DCC: variants seen among roughly 807,000 people sequenced by gnomAD.
DCC encodes the protein netrin receptor DCC.
In DCC, 58 loss-of-function variants were observed where a neutral mutation model predicts 172.5. The observed-to-expected ratio is 0.34, with a 90% CI of 0.27 to 0.42. DCC has a LOEUF of 0.42. Among genes scored for constraint, DCC ranks in the 10% least tolerant of loss-of-function variants. DCC has a pLI of 1.00. For synonymous variants in DCC, 709 were observed against 644.5 expected, an observed-to-expected ratio of 1.10 and a Z score of -1.52; for missense variants, 1,740 against 1,791.0, an observed-to-expected ratio of 0.97 and a Z score of 0.51.
chr18:52,833,599 T>G (rs1474722293), intron 2 of DCC, among the ~76,000 whole-genome samples: 1 of 152,174 alleles, frequency 6.6e-6, no homozygotes, highest in Non-Finnish European at 1.5e-5. Flanking sequence ...CAAACAATGC[T>G]AAGGTTTCTG....
At chr18:52,646,549 G>A (rs1032791004) in intron 1 of DCC, among the ~76,000 whole-genome samples, 1 of 152,160 alleles carries the variant, frequency 6.6e-6, no homozygotes, top group Non-Finnish European at 1.5e-5. Flanking sequence ...GCTATCGATT[G>A]GGGGTTCCCA....
chr18:52,610,226 T>A (rs1294260259), intron 1 of DCC, among the ~76,000 whole-genome samples: 60 of 73,048 alleles, frequency 8.2e-4, no homozygotes, highest in African/African-American at 1.3e-3. Context: ...TATATATATA[T>A]AAAATTAGCC....
rs2046456437 is a variant in DCC at position 53,526,456 on chromosome 18, A to G, written c.4112-161A>G. Among the ~76,000 whole-genome samples, 2 of 152,210 alleles carry G rather than the reference A, an allele frequency of 1.3e-5. 1 individual carries two copies. The highest frequency in any genetic ancestry group is 2.9e-5 in the Non-Finnish European group (2 of 68,034). On this transcript the variant is annotated intron_variant, in intron 27 of 28. Transcript: ENST00000442544. ...AGAATTTGTCTTCCATTTAGTAGAA[A>G]TAAAACGAGCCCACTCATTGTGTCA...
chr18:53,517,969 T>C (rs573212779), intron 27 of DCC, among the ~76,000 whole-genome samples: 1 of 152,284 alleles, frequency 6.6e-6, no homozygotes, highest in Non-Finnish European at 1.5e-5. Context: ...GGTAGAGTAT[T>C]ACACAAAGTT....
At chr18:53,199,249 C>T (rs1473140849) in intron 9 of DCC, among the ~76,000 whole-genome samples, 4 of 151,792 alleles carry the variant, frequency 2.6e-5, no homozygotes, top group Non-Finnish European at 4.4e-5. Context: ...CACCACCACG[C>T]CTGGCTAATT....
intron 1 of DCC, among the ~76,000 whole-genome samples, chr18:52,622,414 C>T (rs1018136674): frequency 3.9e-5 from 6 of 152,254 alleles, no homozygotes; most frequent in South Asian, 4.1e-4. Context: ...TTCGGTAGTC[C>T]GGACTGGGTC....
intron 1 of DCC, among the ~76,000 whole-genome samples, chr18:52,428,290 T>A (rs1234509428): frequency 7.2e-5 from 11 of 152,140 alleles, no homozygotes; most frequent in African/African-American, 2.2e-4. Context: ...TTCACCAACC[T>A]GTTCTTTGAC....
chr18:53,063,478 A>G lies in DCC; in HGVS notation c.1140+19A>G. ...GATAGTGGTAATTATTTTGTTTCATATTTGTTTTATAATCCCATTCATTGT... is the reference window on the plus strand; with the variant it reads ...GATAGTGGTAATTATTTTGTTTCATGTTTGTTTTATAATCCCATTCATTGT... On this transcript the variant is annotated intron_variant, in intron 6 of 28. Coordinates refer to ENST00000442544, the MANE Select transcript of DCC (RefSeq NM_005215.4). The G allele has an allele frequency of 3.2e-6, 5 of 1,556,246 alleles. No individual in the cohort carries two copies. The highest frequency in any genetic ancestry group is 4.4e-6 in the Non-Finnish European group (5 of 1,129,600).
At chr18:52,382,156 C>G (rs1381801214) in intron 1 of DCC, among the ~76,000 whole-genome samples, 1 of 152,034 alleles carries the variant, frequency 6.6e-6, no homozygotes, top group Non-Finnish European at 1.5e-5. Flanking sequence ...TCTTAATATT[C>G]AGAGATGTAA....
intron 5 of DCC, among the ~76,000 whole-genome samples, chr18:52,958,557 T>G (rs1165401827): frequency 6.6e-6 from 1 of 152,002 alleles, no homozygotes; most frequent in African/African-American, 2.4e-5. Context: ...AGTGAGGAAA[T>G]ATTTCAAAAC....
intron 7 of DCC, among the ~76,000 whole-genome samples, chr18:53,132,865 TC>T (rs896974137): frequency 6.6e-6 from 1 of 152,168 alleles, no homozygotes; most frequent in Non-Finnish European, 1.5e-5. Flanking sequence ...AACAGGTTAT[TC>T]ATGTGAGACT....
intron 1 of DCC, among the ~76,000 whole-genome samples, chr18:52,644,826 A>AAGTATTCTTTGAATACT (rs2034985573): frequency 3.0e-5 from 2 of 66,390 alleles, no homozygotes; most frequent in African/African-American, 1.2e-4. Context: ...GGAGGGAGGG[A>AAGTATTCTTTGAATACT]GGGAGGGAGG....
intron 12 of DCC, chr18:53,237,092 T>G (rs2056214822): frequency 6.6e-6 from 1 of 152,088 alleles, no homozygotes; most frequent in Non-Finnish European, 1.5e-5. Flanking sequence ...CAAATATATA[T>G]ATATTATATA....
intron 7 of DCC, among the ~76,000 whole-genome samples, chr18:53,066,427 A>G (rs866234231): frequency 2.5e-5 from 3 of 121,594 alleles, no homozygotes; most frequent in African/African-American, 4.3e-5. Context: ...GTGTTTGTGT[A>G]TATATATATA....
At chr18:52,732,109 G>T (rs557472998) in intron 1 of DCC, among the ~76,000 whole-genome samples, 5 of 152,234 alleles carry the variant, frequency 3.3e-5, no homozygotes, top group Admixed American at 1.3e-4. Context: ...TCTTGAGGTT[G>T]CCATATTAAG....
intron 7 of DCC, among the ~76,000 whole-genome samples, chr18:53,147,613 C>A (rs1049812935): frequency 6.6e-6 from 1 of 152,102 alleles, no homozygotes; most frequent in African/African-American, 2.4e-5. Flanking sequence ...CTTAATAAAC[C>A]TCACTGCCAT....
chr18:53,220,844 C>A lies in DCC; in HGVS notation c.1911+5247C>A, dbSNP rs146792979. Among the ~76,000 whole-genome samples the A allele has an allele frequency of 4.6e-5, 7 of 151,732 alleles. No individual in the cohort carries two copies. The East Asian group carries it at 1.2e-3, about 25-fold the overall frequency. ...TTAAGCATAGATAATGTCCAGGGGC[C>A]TATGATTGAAAGTTTTAGGAAGGGT... On this transcript the variant is annotated intron_variant, in intron 12 of 28. Transcript: ENST00000442544.
chr18:52,953,023 A>AAAC (rs2040681380), intron 5 of DCC, among the ~76,000 whole-genome samples: 1 of 149,154 alleles, frequency 6.7e-6, no homozygotes, highest in Non-Finnish European at 1.5e-5. Flanking sequence ...AAAAAAAAAA[A>AAAC]AAAAACTCAT....
At chr18:53,231,894 C>G (rs2056126268) in intron 12 of DCC, among the ~76,000 whole-genome samples, 1 of 152,086 alleles carries the variant, frequency 6.6e-6, no homozygotes, top group Admixed American at 6.6e-5. Context: ...TGCCAAAAGA[C>G]TGATAAAAGT....
Sources: allele counts gnomAD v4.1 joint callset (sites outside exome capture counted in the v4.1 genomes callset), GRCh38; gene constraint gnomAD v4.1.1; transcripts MANE v1.5; gene names NCBI Gene and HGNC (gene_info 2026-07-23, HGNC 2026-07-21).